Variants in GFPT2 observed in about 807,000 individuals in gnomAD.
GFPT2 encodes the protein glutamine--fructose-6-phosphate aminotransferase [isomerizing] 2.
A neutral mutation model predicts 85.6 loss-of-function variants in GFPT2; 62 were observed. The ratio of observed to expected loss-of-function variants is 0.72; its 90% CI spans 0.59 to 0.90. The LOEUF (loss-of-function observed/expected upper bound fraction) is 0.90. GFPT2 is among the 40% of genes least tolerant of loss of function. The pLI is 0.00. For synonymous variants in GFPT2, 368 were observed against 344.5 expected, an observed-to-expected ratio of 1.07 and a Z score of -0.75; for missense variants, 788 against 893.4, an observed-to-expected ratio of 0.88 and a Z score of 1.50.
At chr5:180,341,885 T>C (rs1391828481) in intron 1 of GFPT2, among the ~76,000 whole-genome samples, 1 of 152,216 alleles carries the variant, frequency 6.6e-6, no homozygotes. Flanking sequence ...GGAGGTACTT[T>C]TGTCACCTTA....
intron 18 of GFPT2, 100 bp from the exon 19 acceptor site, chr5:180,301,708 G>A (rs1763676574): frequency 8.5e-6 from 8 of 945,864 alleles, no homozygotes; most frequent in Middle Eastern, 2.1e-4. Flanking sequence ...AGAGACAGAT[G>A]TTCACCATGG....
At position 180,308,242 on chromosome 5, in the gene GFPT2, C is replaced by T. The variant is rs1460405908; in HGVS notation, c.1547-939G>A. On this transcript the variant is annotated intron_variant, in intron 15 of 18. Transcript: ENST00000253778. ...CGGCACTCCAGCCTGGGCAACAGAG[C>T]GAGACTCCATCTCGAAAAAAAAAAA... Among the ~76,000 whole-genome samples, 5 of 148,574 alleles carry T rather than the reference C, an allele frequency of 3.4e-5. 1 individual carries two copies. In the South Asian group the frequency reaches 6.4e-4, roughly 19 times the overall value.
intron 4 of GFPT2, among the ~76,000 whole-genome samples, chr5:180,334,576 T>TA (rs1388061142): frequency 6.6e-6 from 1 of 152,202 alleles, no homozygotes; most frequent in Non-Finnish European, 1.5e-5. Context: ...TGCTCTGATG[T>TA]ATTTGGTCCT....
chr5:180,352,072 G>A (rs1190132435), intron 1 of GFPT2, among the ~76,000 whole-genome samples: 1 of 152,184 alleles, frequency 6.6e-6, no homozygotes, highest in African/African-American at 2.4e-5. Flanking sequence ...TTTTAGCTGA[G>A]GGTTCAGGAA....
At chr5:180,337,710 G>A (rs1295295573) in intron 2 of GFPT2, among the ~76,000 whole-genome samples, 1 of 152,030 alleles carries the variant, frequency 6.6e-6, no homozygotes, top group African/African-American at 2.4e-5. Flanking sequence ...CATACTTAAT[G>A]TCTACAACTC....
Position 180,313,937 on chromosome 5 carries a change from A to C in GFPT2, c.1301T>G (p.Leu434Arg), listed in dbSNP as rs1431358098. 2 of 1,602,890 alleles carry C rather than the reference A, an allele frequency of 1.2e-6. No individual in the cohort carries two copies. Among genetic ancestry groups the C allele is most frequent in the Admixed American group, 1.7e-5 (1 of 59,866 alleles). The part of the protein sequence containing the change: ...SGETADTLLA[L>R]RYCKDRGALT... Reference sequence around the variant, plus strand: ...AGCGCCGCGGTCCTTACAGTAGCGCAGCGCCAGGAGGGTGTCCGCGGTCTC... The same window carrying C: ...AGCGCCGCGGTCCTTACAGTAGCGCCGCGCCAGGAGGGTGTCCGCGGTCTC... The change falls in exon 14 of 19, where the codon CTG becomes CGG. Residue 434 changes from leucine to arginine, a missense_variant. By Grantham distance (102) the Leu-to-Arg change is moderately radical (BLOSUM62 -2). Transcript: ENST00000253778.
rs147775028 is a variant in GFPT2 at position 180,305,308 on chromosome 5, A to G, written c.1675-369T>C. On this transcript the variant is annotated intron_variant, in intron 16 of 18. Coordinates refer to ENST00000253778, the MANE Select transcript of GFPT2 (RefSeq NM_005110.4). ...AGCCAGCCACGTGTATAACGACAGC[A>G]TCGTATTCAGCTTAGCTACACCTTC... is the stretch of plus-strand genomic sequence containing the variant. Among the ~76,000 whole-genome samples, 1,180 of 152,316 alleles carry G rather than the reference A, an allele frequency of 7.7e-3. 11 individuals carry two copies. Among genetic ancestry groups the G allele is most frequent in the Middle Eastern group, 0.02 (6 of 294 alleles).
intron 7 of GFPT2, among the ~76,000 whole-genome samples, chr5:180,327,544 A>T (rs1764231490): frequency 6.6e-6 from 1 of 152,222 alleles, no homozygotes; most frequent in African/African-American, 2.4e-5. Flanking sequence ...GGCACAGGGC[A>T]TCACTATCCT....
chr5:180,342,106 CTT>C (rs1162801152), intron 1 of GFPT2, among the ~76,000 whole-genome samples: 2 of 152,142 alleles, frequency 1.3e-5, no homozygotes, highest in African/African-American at 2.4e-5. Flanking sequence ...ACTCTCTTCT[CTT>C]GTCTGCCGCC....
chr5:180,336,570 C>T lies in GFPT2; in HGVS notation c.123G>A (p.Ala41=), dbSNP rs746481056. The T allele has an allele frequency of 6.2e-6, 10 of 1,601,590 alleles. No individual in the cohort carries two copies. In the African/African-American group the frequency reaches 8.0e-5, roughly 13 times the overall value. Residue 41 remains alanine, a synonymous_variant, in exon 3 of 19, where the codon GCG becomes GCA. Transcript: ENST00000253778. The part of the protein sequence containing the change: ...EYRGYDSAGV[A]IDGNNHEVKE... ...TGACTTCGTGATTATTCCCATCGATCGCCACACCTGTGATGTAGACAGCAT... is the reference window on the plus strand; with the variant it reads ...TGACTTCGTGATTATTCCCATCGATTGCCACACCTGTGATGTAGACAGCAT...
chr5:180,305,610 C>T lies in GFPT2; in HGVS notation c.1675-671G>A, dbSNP rs575116903. ...GCGCAGACAGCTGCAGTGCCGGCCT[C>T]CCAGTGACCAGAGGACCATGGGCTC... On this transcript the variant is annotated intron_variant, in intron 16 of 18. Transcript: ENST00000253778. 2.6e-5 allele frequency among the ~76,000 whole-genome samples: 4 copies of T among 152,322 alleles called. No individual in the cohort carries two copies. The East Asian group carries it at 7.7e-4, about 29-fold the overall frequency.
rs1228319222 is a variant in GFPT2, at chr5:180,328,636, G to GTCACAGGAAATGACTCTCATA, written c.535-299_535-298insTATGAGAGTCATTTCCTGTGA. On this transcript the variant is annotated intron_variant, in intron 6 of 18. Transcript: ENST00000253778. This position sits in a 1 kb window ranked among gnomAD's most constrained non-coding sequence, Gnocchi z 5.4. ...CAGCTGGGTAGACGGGGCAGTGAGA[G>GTCACAGGAAATGACTCTCATA]TCACAGGAAATGATAGCTGGGACCA... Among the ~76,000 whole-genome samples the GTCACAGGAAATGACTCTCATA allele has an allele frequency of 6.6e-6, 1 of 152,252 alleles. No individual in the cohort carries two copies. Among genetic ancestry groups the GTCACAGGAAATGACTCTCATA allele is most frequent in the Non-Finnish European group, 1.5e-5 (1 of 68,028 alleles).
Position 180,312,201 on chromosome 5 carries a change from G to C in GFPT2, c.1546+229C>G, listed in dbSNP as rs904071240. On this transcript the variant is annotated intron_variant, in intron 15 of 18. Transcript: ENST00000253778. ...AGGCTGAGGACCAGGGAGGCGGGGA[G>C]GCAGGGAGGCAGGGAGGCAGGGAGG... Among the ~76,000 whole-genome samples, 2 of 95,582 alleles carry C rather than the reference G, an allele frequency of 2.1e-5. 1 individual carries two copies. The highest frequency in any genetic ancestry group is 8.4e-5 in the African/African-American group (2 of 23,856). The allele number at this position is 95,582 out of a possible 152,430, so 62.7% of individuals were successfully genotyped here. A position where few individuals can be genotyped will look rare whatever the true frequency, so the allele number is the denominator to read the frequency against.
intron 14 of GFPT2, among the ~76,000 whole-genome samples, 189 bp from the exon 15 acceptor site, chr5:180,312,733 C>T (rs772995863): frequency 3.9e-5 from 6 of 151,916 alleles, no homozygotes; most frequent in Non-Finnish European, 8.8e-5. Context: ...ACAGGTGCCA[C>T]CACCCTGCCC....
intron 7 of GFPT2, among the ~76,000 whole-genome samples, chr5:180,327,451 G>A (rs989901350): frequency 2.6e-5 from 4 of 152,214 alleles, no homozygotes; most frequent in African/African-American, 9.6e-5. Context: ...CTTTGCTCAT[G>A]CTGGTTCCTC....
At chr5:180,317,628 G>C (rs573203548) in intron 10 of GFPT2, among the ~76,000 whole-genome samples, 1 of 144,088 alleles carries the variant, frequency 6.9e-6, no homozygotes, top group Admixed American at 6.8e-5. Flanking sequence ...GCGTAGTGGC[G>C]GGCGCCTGTA....
chr5:180,312,582 C>CACTTTTTAAATCAACTTTTATTTTT (rs1402641029), intron 14 of GFPT2, 38 bp from the exon 15 acceptor site: 1 of 1,085,554 alleles, frequency 9.2e-7, no homozygotes. Flanking sequence ...ACCTTATTTT[C>CACTTTTTAAATCAACTTTTATTTTT]ACTTTTTAAA....
intron 1 of GFPT2, chr5:180,352,785 G>C (rs1319474669): frequency 6.5e-6 from 2 of 308,922 alleles, no homozygotes; most frequent in South Asian, 2.4e-5. Flanking sequence ...GGGCTGAGTC[G>C]GGATGGGCGC....
rs931221157 is a variant in GFPT2 at position 180,317,650 on chromosome 5, T to G, written c.959-592A>C. Reference sequence around the variant, plus strand: ...GGCGGGCGCCTGTAGTCCCAGCTACTTGGGAGGCTGAGGCAGGAGAATGGC... The same window carrying G: ...GGCGGGCGCCTGTAGTCCCAGCTACGTGGGAGGCTGAGGCAGGAGAATGGC... On this transcript the variant is annotated intron_variant, in intron 10 of 18. Transcript: ENST00000253778. Among the ~76,000 whole-genome samples the G allele has an allele frequency of 8.9e-4, 122 of 136,626 alleles. 2 individuals carry two copies. The highest frequency in any genetic ancestry group is 3.5e-3 in the African/African-American group (118 of 34,068). 89.6% of individuals were successfully genotyped at this position (136,626 alleles called of 152,430 possible).
Sources: allele counts gnomAD v4.1 joint callset (sites outside exome capture counted in the v4.1 genomes callset), GRCh38; gene constraint gnomAD v4.1.1; non-coding constraint Gnocchi (gnomAD v3.1); transcripts MANE v1.5; gene names NCBI Gene and HGNC (gene_info 2026-07-23, HGNC 2026-07-21).